The following DPH6 variants were observed in gnomAD, a reference collection of about 807,000 sequenced individuals.
DPH6 encodes the protein diphthine--ammonia ligase.
Under a neutral mutation model 38.2 loss-of-function variants are expected in DPH6, and 33 were observed. The ratio of observed to expected loss-of-function variants is 0.86; its 90% CI spans 0.65 to 1.15. The LOEUF (loss-of-function observed/expected upper bound fraction) is 1.15. Ranked by LOEUF, DPH6 falls within the 50% of genes most tolerant of loss-of-function variation. The pLI is 0.00. For synonymous variants in DPH6, 108 were observed against 103.0 expected (o/e 1.05, Z -0.30); for missense variants, 325 against 320.0 (o/e 1.02, Z -0.12).
At chr15:35,159,481 G>C in the DPH6 span, among the ~76,000 whole-genome samples, 2 of 151,836 alleles carry the variant, frequency 1.3e-5, no homozygotes, top group African/African-American at 4.8e-5. Flanking sequence ...AACCATCAGA[G>C]TAATGCACAT....
chr15:35,469,547 A>G (rs2054170763), intron 3 of DPH6, among the ~76,000 whole-genome samples: 1 of 152,182 alleles, frequency 6.6e-6, no homozygotes, highest in Admixed American at 6.5e-5. Flanking sequence ...CTGGTGTTAT[A>G]TGGCCGAGAA....
chr15:35,192,768 A>T, the DPH6 span, among the ~76,000 whole-genome samples: 2 of 152,230 alleles, frequency 1.3e-5, no homozygotes, highest in Non-Finnish European at 2.9e-5. Context: ...AACACCATAC[A>T]ATTTGTATGC....
intron 5 of DPH6, among the ~76,000 whole-genome samples, chr15:35,424,914 T>C (rs531498384): frequency 6.6e-6 from 1 of 151,756 alleles, no homozygotes. Context: ...AATAACTTGC[T>C]AGAAAAGAAA....
chr15:35,292,433 A>C (rs1246152902), intron 3 of DPH6, among the ~76,000 whole-genome samples: 1 of 152,146 alleles, frequency 6.6e-6, no homozygotes, highest in Non-Finnish European at 1.5e-5. Context: ...CTGCCATGAG[A>C]CTGATACTTC....
At chr15:35,150,339 G>T in the DPH6 span, among the ~76,000 whole-genome samples, 2 of 152,100 alleles carry the variant, frequency 1.3e-5, no homozygotes, top group African/African-American at 2.4e-5. Context: ...ACAAAGGAGG[G>T]GCTTGAGAAT....
At chr15:35,352,890 C>T (rs1375220188) in intron 3 of DPH6, among the ~76,000 whole-genome samples, 2 of 152,196 alleles carry the variant, frequency 1.3e-5, no homozygotes, top group Admixed American at 6.5e-5. Flanking sequence ...AGTTTACAGT[C>T]CCACCAACAG....
chr15:35,451,545 C>T (rs1326793361), intron 4 of DPH6, among the ~76,000 whole-genome samples: 1 of 152,078 alleles, frequency 6.6e-6, no homozygotes, highest in East Asian at 1.9e-4. Flanking sequence ...CTTCGCATTC[C>T]ACATCCAATC....
At chr15:35,225,778 A>G (rs974220417) in intron 3 of DPH6, among the ~76,000 whole-genome samples, 2 of 152,252 alleles carry the variant, frequency 1.3e-5, no homozygotes, top group African/African-American at 4.8e-5. Context: ...AACTAAGATT[A>G]TAACATGAGG....
At position 35,265,633 on chromosome 15, in the gene DPH6, C is replaced by T. The variant is rs529173158; in HGVS notation, n.201-45051G>A. Among the ~76,000 whole-genome samples, 12 of 152,192 alleles carry T rather than the reference C, an allele frequency of 7.9e-5. No individual in the cohort carries two copies. The East Asian group carries it at 9.7e-4, about 12-fold the overall frequency. ...ATTTCTCTGCCTTTAAAAAAAATTC[C>T]GTAGCTTTTATTTTGGGATTTGAAA... is the stretch of plus-strand genomic sequence containing the variant. On this transcript the variant is annotated intron_variant and non_coding_transcript_variant, in intron 3 of 3. Transcript: ENST00000560386.
chr15:35,402,157 C>G (rs1037928632), intron 6 of DPH6, among the ~76,000 whole-genome samples: 1 of 152,142 alleles, frequency 6.6e-6, no homozygotes, highest in South Asian at 2.1e-4. Flanking sequence ...TGGTAAATTT[C>G]CCCAACAGTG....
At chr15:35,487,385 T>C (rs1004162957) in intron 3 of DPH6, among the ~76,000 whole-genome samples, 2 of 152,224 alleles carry the variant, frequency 1.3e-5, no homozygotes, top group African/African-American at 2.4e-5. Flanking sequence ...TTTCCATACA[T>C]CCTTTGAAAT....
intron 3 of DPH6, among the ~76,000 whole-genome samples, chr15:35,535,534 A>G (rs758941568): frequency 1.3e-5 from 2 of 152,160 alleles, no homozygotes; most frequent in Non-Finnish European, 2.9e-5. Context: ...TATTTCCTAT[A>G]GAGATATAGT....
chr15:35,146,465 A>T, the DPH6 span, among the ~76,000 whole-genome samples: 82 of 152,276 alleles, frequency 5.4e-4, no homozygotes, highest in South Asian at 4.6e-3. Context: ...ATAGTCATAC[A>T]TCTAAACATT....
chr15:35,436,423 G>A (rs1310846820), intron 5 of DPH6, among the ~76,000 whole-genome samples: 2 of 150,710 alleles, frequency 1.3e-5, no homozygotes, highest in African/African-American at 2.4e-5. Flanking sequence ...CCGAGATGGC[G>A]CCACTGCGCT....
chr15:35,398,291 T>C (rs1156279952), intron 6 of DPH6, among the ~76,000 whole-genome samples: 2 of 152,164 alleles, frequency 1.3e-5, no homozygotes, highest in Non-Finnish European at 2.9e-5. Flanking sequence ...CTGGATAGCC[T>C]TGGGATGGGC....
intron 1 of DPH6, among the ~76,000 whole-genome samples, chr15:35,542,933 TTCC>T (rs2055278155): frequency 1.2e-5 from 1 of 84,306 alleles, no homozygotes; most frequent in Admixed American, 1.4e-4. Context: ...ATATATATTA[TTCC>T]ACTTAAGGAA....
At chr15:35,169,038 T>G in the DPH6 span, among the ~76,000 whole-genome samples, 1 of 152,072 alleles carries the variant, frequency 6.6e-6, no homozygotes, top group Non-Finnish European at 1.5e-5. Context: ...TTAAACAAAT[T>G]AAGTATATTA....
At chr15:35,261,236 C>CCTCT (rs2051744357) in intron 3 of DPH6, among the ~76,000 whole-genome samples, 1 of 152,184 alleles carries the variant, frequency 6.6e-6, no homozygotes, top group Admixed American at 6.5e-5. Flanking sequence ...ATACAGCGTG[C>CCTCT]CTCTGAGCAC....
chr15:35,518,999 C>T (rs1217301444), intron 3 of DPH6: 2 of 151,770 alleles, frequency 1.3e-5, no homozygotes, highest in African/African-American at 2.4e-5. Context: ...GACTTGGGCC[C>T]GTGATCTTTT....
Sources: gnomAD v4.1 joint callset for allele counts (sites outside exome capture counted in the v4.1 genomes callset) on GRCh38, gnomAD v4.1.1 for gene constraint, MANE v1.5 for transcripts, NCBI Gene and HGNC (gene_info 2026-07-23, HGNC 2026-07-21) for gene names.